Variants in LDLRAD4 observed in about 807,000 individuals in gnomAD.
LDLRAD4 encodes the protein low density lipoprotein receptor class A domain containing 4, also known as low-density lipoprotein receptor class A domain-containing protein 4.
A neutral mutation model predicts 17.0 loss-of-function variants in LDLRAD4; 5 were observed. That is an observed-to-expected ratio of 0.29 (90% CI 0.15 to 0.62). The LOEUF is 0.62. Ranked by LOEUF, LDLRAD4 falls within the 20% of genes least tolerant of loss-of-function variation. The pLI is 0.84. For missense variants in LDLRAD4, 340 were observed against 424.7 expected, an observed-to-expected ratio of 0.80 and a Z score of 1.75; for synonymous variants, 168 against 171.8, an observed-to-expected ratio of 0.98 and a Z score of 0.17.
chr18:13,330,836 G>A lies in LDLRAD4; in HGVS notation c.-383+52648G>A, dbSNP rs189450709. 3.8e-3 allele frequency among the ~76,000 whole-genome samples: 578 copies of A among 152,248 alleles called. 1 individual carries two copies. The highest frequency in any genetic ancestry group is 6.2e-3 in the Non-Finnish European group (423 of 68,004). On this transcript the variant is annotated intron_variant, in intron 1 of 5. Coordinates refer to ENST00000359446, the Ensembl canonical transcript of LDLRAD4. ...CTCCAGGGAGGGGAGAACAGGTGAAGGTTAAGTTGATCACCAGTGGCCAAT... is the reference window on the plus strand; with the variant it reads ...CTCCAGGGAGGGGAGAACAGGTGAAAGTTAAGTTGATCACCAGTGGCCAAT...
At chr18:13,292,338 C>T (rs984919675) in intron 1 of LDLRAD4, among the ~76,000 whole-genome samples, 4 of 152,312 alleles carry the variant, frequency 2.6e-5, no homozygotes, top group Non-Finnish European at 5.9e-5. Flanking sequence ...CTGTGATCTG[C>T]GCTCTGTTCC....
At chr18:13,266,360 A>T (rs2044217104) in intron 1 of LDLRAD4, among the ~76,000 whole-genome samples, 1 of 152,076 alleles carries the variant, frequency 6.6e-6, no homozygotes, top group African/African-American at 2.4e-5. Context: ...CCTCCTGCAC[A>T]ACTCCTGGTA....
chr18:13,545,842 A>G (rs760793997), intron 3 of LDLRAD4, among the ~76,000 whole-genome samples: 9 of 152,196 alleles, frequency 5.9e-5, no homozygotes, highest in Non-Finnish European at 1.0e-4. Context: ...GGGAAAGCCA[A>G]TGGGGCAGGA....
chr18:13,602,156 A>G (rs1456072891), intron 3 of LDLRAD4, among the ~76,000 whole-genome samples: 1 of 152,222 alleles, frequency 6.6e-6, no homozygotes, highest in Non-Finnish European at 1.5e-5. Flanking sequence ...TGGGGACTCC[A>G]AAAGGAAGGA....
chr18:13,328,155 C>T (rs141548928), intron 1 of LDLRAD4, among the ~76,000 whole-genome samples: 37 of 152,300 alleles, frequency 2.4e-4, no homozygotes, highest in East Asian at 5.8e-4. Context: ...GATACAAAGC[C>T]GCTGACCTTG....
chr18:13,437,791 A>T (rs985094951), intron 2 of LDLRAD4, among the ~76,000 whole-genome samples: 1 of 152,196 alleles, frequency 6.6e-6, no homozygotes, highest in African/African-American at 2.4e-5. Context: ...AAAATGTCTG[A>T]GTGTTCTTTT....
intron 3 of LDLRAD4, among the ~76,000 whole-genome samples, chr18:13,468,840 G>T (rs1417603191): frequency 7.3e-6 from 1 of 136,856 alleles, no homozygotes; most frequent in African/African-American, 2.8e-5. Flanking sequence ...TCACACACCG[G>T]GGCCTGTTGT....
chr18:13,439,107 C>T (rs559978639), intron 3 of LDLRAD4, among the ~76,000 whole-genome samples: 1 of 152,098 alleles, frequency 6.6e-6, no homozygotes, highest in Admixed American at 6.5e-5. Flanking sequence ...GAGCGTTGGC[C>T]GGGCCGACCC....
intron 1 of LDLRAD4, among the ~76,000 whole-genome samples, chr18:13,281,487 G>A (rs1272646203): frequency 6.6e-6 from 1 of 152,182 alleles, no homozygotes; most frequent in African/African-American, 2.4e-5. Flanking sequence ...TAATGCTGGG[G>A]GCTTCTAACT....
intron 5 of LDLRAD4, among the ~76,000 whole-genome samples, chr18:13,643,934 A>G (rs1161374515): frequency 6.6e-6 from 1 of 152,240 alleles, no homozygotes; most frequent in African/African-American, 2.4e-5. Flanking sequence ...GTACGTATAT[A>G]AAAGAGCCGT....
At chr18:13,521,694 A>G (rs1206017202) in intron 3 of LDLRAD4, 1 of 152,044 alleles carries the variant, frequency 6.6e-6, no homozygotes, top group African/African-American at 2.4e-5. Flanking sequence ...ACGAGGAGTC[A>G]TCTGAGCTTT....
At chr18:13,341,900 A>G (rs1287688812) in intron 1 of LDLRAD4, among the ~76,000 whole-genome samples, 1 of 151,950 alleles carries the variant, frequency 6.6e-6, no homozygotes, top group Non-Finnish European at 1.5e-5. Flanking sequence ...TGTTGAGGTA[A>G]TTTTCTTTTA....
In LDLRAD4 at chr18:13,442,194, C is replaced by T. The variant is rs140708271; in HGVS notation, c.181+3810C>T. 6.6e-5 allele frequency among the ~76,000 whole-genome samples: 10 copies of T among 152,266 alleles called. No homozygotes were observed. The East Asian group carries it at 1.9e-3, about 29-fold the overall frequency. On this transcript the variant is annotated intron_variant, in intron 3 of 5. Transcript: ENST00000359446. ...TACCTTCTCTGGTCATTGTACTAGG[C>T]CTTGTGGAAACGAGGAATGAAGGAA...
At chr18:13,288,569 G>A (rs957960459) in intron 1 of LDLRAD4, among the ~76,000 whole-genome samples, 1 of 152,070 alleles carries the variant, frequency 6.6e-6, no homozygotes, top group African/African-American at 2.4e-5. Flanking sequence ...TGAAAGAAAA[G>A]CCATGCAGAA....
rs140436688 is a variant in LDLRAD4 at position 13,590,543 on chromosome 18, C to T, written c.182-30574C>T. ...GAAGGCCAGCTCTGCTGCAACCCCTCCTCTGTCCAACACAGTCCTCACTGG... is the reference window on the plus strand; with the variant it reads ...GAAGGCCAGCTCTGCTGCAACCCCTTCTCTGTCCAACACAGTCCTCACTGG... On this transcript the variant is annotated intron_variant, in intron 3 of 5. Coordinates refer to ENST00000359446, the Ensembl canonical transcript of LDLRAD4. Among the ~76,000 whole-genome samples the T allele has an allele frequency of 3.6e-3, 541 of 152,362 alleles. 5 individuals are homozygous for T. The highest frequency in any genetic ancestry group is 0.012 in the African/African-American group (516 of 41,592).
chr18:13,457,493 G>A (rs1811972199), intron 3 of LDLRAD4, among the ~76,000 whole-genome samples: 2 of 152,206 alleles, frequency 1.3e-5, no homozygotes, highest in African/African-American at 4.8e-5. Flanking sequence ...TCTCTGAGGA[G>A]GATCGTATGA....
intron 3 of LDLRAD4, among the ~76,000 whole-genome samples, chr18:13,459,006 T>A (rs1221515908): frequency 2.6e-5 from 4 of 152,130 alleles, no homozygotes. Flanking sequence ...CCTGTAGAAC[T>A]GTAAAGTAAC....
At chr18:13,322,984 G>A (rs2081337032) in intron 1 of LDLRAD4, among the ~76,000 whole-genome samples, 1 of 152,058 alleles carries the variant, frequency 6.6e-6, no homozygotes, top group Non-Finnish European at 1.5e-5. Flanking sequence ...GTAAATTTGT[G>A]TCACACAAAC....
intron 3 of LDLRAD4, among the ~76,000 whole-genome samples, chr18:13,542,684 C>G (rs2094302515): frequency 6.6e-6 from 1 of 152,170 alleles, no homozygotes; most frequent in African/African-American, 2.4e-5. Context: ...GAGGTGGGTG[C>G]TCCACACACT....
Sources: gnomAD v4.1 joint callset for allele counts (sites outside exome capture counted in the v4.1 genomes callset) on GRCh38, gnomAD v4.1.1 for gene constraint, MANE v1.5 for transcripts, NCBI Gene and HGNC (gene_info 2026-07-23, HGNC 2026-07-21) for gene names.